Variants in ZC3H6 observed in about 807,000 individuals in gnomAD.
ZC3H6 encodes the protein zinc finger CCCH-type containing 6.
A neutral mutation model predicts 107.7 loss-of-function variants in ZC3H6; 40 were observed. The observed-to-expected ratio is 0.37, with a 90% CI of 0.29 to 0.48. The LOEUF (loss-of-function observed/expected upper bound fraction) is 0.48. Ranked by LOEUF, ZC3H6 falls within the 20% of genes least tolerant of loss-of-function variation. The pLI is 0.98. For synonymous variants in ZC3H6, 493 were observed against 487.9 expected, an observed-to-expected ratio of 1.01 and a Z score of -0.14; for missense variants, 1,267 against 1,410.4, an observed-to-expected ratio of 0.90 and a Z score of 1.63.
chr2:112,322,184 C>A (rs1279818990), intron 8 of ZC3H6, among the ~76,000 whole-genome samples: 2 of 146,776 alleles, frequency 1.4e-5, no homozygotes, highest in South Asian at 2.2e-4. Context: ...CTTGCTTTTT[C>A]TTTCTTATTT....
chr2:112,321,443 A>G (rs1350075984), intron 7 of ZC3H6, among the ~76,000 whole-genome samples: 5 of 152,034 alleles, frequency 3.3e-5, no homozygotes, highest in Non-Finnish European at 7.4e-5. Context: ...GTATAATTAA[A>G]ATATCTAACC....
intron 1 of ZC3H6, among the ~76,000 whole-genome samples, chr2:112,294,440 G>C (rs1169295232): frequency 1.3e-5 from 2 of 152,326 alleles, no homozygotes; most frequent in East Asian, 3.9e-4. Context: ...TAGAGATTCT[G>C]ACACAGTCAC....
Position 112,332,896 on chromosome 2 carries a change from C to T in ZC3H6, c.*408C>T, listed in dbSNP as rs1677064375. 1 of 156,990 alleles carries T rather than the reference C, an allele frequency of 6.4e-6. No individual in the cohort carries two copies. Among genetic ancestry groups the T allele is most frequent in the Non-Finnish European group, 1.4e-5 (1 of 70,788 alleles). 9.7% of individuals were successfully genotyped at this position (156,990 alleles called of 1,614,324 possible). On this transcript the variant is annotated 3_prime_UTR_variant, in exon 12 of 12. Coordinates refer to ENST00000409871, the MANE Select transcript of ZC3H6 (RefSeq NM_198581.3). Reference sequence around the variant, plus strand: ...AGAAACAGTATTTTGACTAGGACCTCTCTTATTTGTCAGCACAGAACTGAT... The same window carrying T: ...AGAAACAGTATTTTGACTAGGACCTTTCTTATTTGTCAGCACAGAACTGAT...
intron 1 of ZC3H6, among the ~76,000 whole-genome samples, chr2:112,277,780 G>GT (rs35110200): frequency 4.8e-4 from 72 of 148,938 alleles, no homozygotes; most frequent in Middle Eastern, 3.4e-3. Flanking sequence ...GAAGGAGATG[G>GT]TTTTTTTTTT....
rs1676396664 is a variant in ZC3H6, at chr2:112,302,374, AT to A, written c.214-852del. 2.0e-5 allele frequency among the ~76,000 whole-genome samples: 3 copies of A among 152,142 alleles called. 1 individual carries two copies. The South Asian group carries it at 6.2e-4, about 31-fold the overall frequency. The stretch of plus-strand genomic sequence containing the variant: ...TTTAGGAACAAGATGGAGGAAAGCA[AT>A]TTGTCTTTCCTAAAATAACATTTCA... On this transcript the variant is annotated intron_variant, in intron 2 of 11. Transcript: ENST00000409871.
In ZC3H6 at chr2:112,334,389, G is replaced by A. The variant is rs1677102675; in HGVS notation, c.*1901G>A. Reference sequence around the variant, plus strand: ...TATAATTATTGTGTCAAGCAGTGCTGTTTACATTTTAAGCATCATACAAAA... The same window carrying A: ...TATAATTATTGTGTCAAGCAGTGCTATTTACATTTTAAGCATCATACAAAA... On this transcript the variant is annotated 3_prime_UTR_variant, in exon 12 of 12. Transcript: ENST00000409871. The A allele has an allele frequency of 6.6e-6, 1 of 152,024 alleles. No individual in the cohort carries two copies. The highest frequency in any genetic ancestry group is 2.1e-4 in the South Asian group (1 of 4,822). 9.4% of individuals were successfully genotyped at this position (152,024 alleles called of 1,614,324 possible).
chr2:112,277,469 T>C (rs1391146953), intron 1 of ZC3H6, among the ~76,000 whole-genome samples: 1 of 152,132 alleles, frequency 6.6e-6, no homozygotes, highest in Non-Finnish European at 1.5e-5. Context: ...GAGTTATGTA[T>C]TGTACATCAT....
At chr2:112,308,802 C>T (rs1676540255) in intron 3 of ZC3H6, among the ~76,000 whole-genome samples, 1 of 150,786 alleles carries the variant, frequency 6.6e-6, no homozygotes, top group Admixed American at 6.6e-5. Context: ...ACCTGTAATC[C>T]CAGCACTTTG....
intron 2 of ZC3H6, among the ~76,000 whole-genome samples, chr2:112,301,189 G>A (rs997039668): frequency 1.3e-5 from 2 of 152,198 alleles, no homozygotes; most frequent in African/African-American, 4.8e-5. Flanking sequence ...GAAACTGGGA[G>A]GGGGCTGTGC....
At chr2:112,284,711 G>A (rs1163125376) in intron 1 of ZC3H6, among the ~76,000 whole-genome samples, 1 of 152,128 alleles carries the variant, frequency 6.6e-6, no homozygotes, top group African/African-American at 2.4e-5. Flanking sequence ...GTGTTTATAT[G>A]TGTGTGTATA....
intron 2 of ZC3H6, among the ~76,000 whole-genome samples, chr2:112,302,725 T>C (rs1676403569): frequency 6.6e-6 from 1 of 152,198 alleles, no homozygotes; most frequent in Non-Finnish European, 1.5e-5. Flanking sequence ...ATGCTTTTCA[T>C]TTCACTTTTG....
In ZC3H6 at chr2:112,321,979, T is replaced by C; in HGVS notation, c.1086+114T>C. ...CTGAGAAATTGAAAGTTTACTATTT[T>C]ATATTTTATTCTATTTGAGCAATAT... is the stretch of plus-strand genomic sequence containing the variant. On this transcript the variant is annotated intron_variant, in intron 8 of 11. Coordinates refer to ENST00000409871, the MANE Select transcript of ZC3H6 (RefSeq NM_198581.3). 6.0e-6 allele frequency: 3 copies of C among 501,098 alleles called. No homozygotes were observed. In the South Asian group the frequency reaches 1.3e-4, roughly 22 times the overall value. The allele number at this position is 501,098 out of a possible 1,614,324, so 31.0% of individuals were successfully genotyped here.
intron 7 of ZC3H6, among the ~76,000 whole-genome samples, chr2:112,318,532 A>G (rs937523673): frequency 6.6e-6 from 1 of 152,206 alleles, no homozygotes; most frequent in Non-Finnish European, 1.5e-5. Flanking sequence ...AAGATGTTCA[A>G]TCTTGTTCCT....
chr2:112,332,510 C>G lies in ZC3H6; in HGVS notation c.*22C>G. Reference sequence around the variant, plus strand: ...TTAGCTATTGTGTAACTGAGCAATTCTTTTCACTCTTGTGACTATCTCAGT... The same window carrying G: ...TTAGCTATTGTGTAACTGAGCAATTGTTTTCACTCTTGTGACTATCTCAGT... On this transcript the variant is annotated 3_prime_UTR_variant, in exon 12 of 12. Transcript: ENST00000409871. 1 of 1,578,952 alleles carries G rather than the reference C, an allele frequency of 6.3e-7. No individual in the cohort carries two copies. The highest frequency in any genetic ancestry group is 8.6e-7 in the Non-Finnish European group (1 of 1,164,288).
intron 9 of ZC3H6, among the ~76,000 whole-genome samples, chr2:112,323,231 A>G (rs1558956124): frequency 6.6e-6 from 1 of 152,222 alleles, no homozygotes; most frequent in Admixed American, 6.5e-5. Flanking sequence ...TGTGGGAAAT[A>G]GGTCTCCACA....
At chr2:112,305,058 T>A (rs971592405) in intron 3 of ZC3H6, among the ~76,000 whole-genome samples, 3 of 152,158 alleles carry the variant, frequency 2.0e-5, no homozygotes, top group South Asian at 4.1e-4. Context: ...GATTTTAGAG[T>A]CAGTGGTTGT....
intron 10 of ZC3H6, 42 bp from the exon 11 acceptor site, chr2:112,324,922 G>T: frequency 5.2e-6 from 8 of 1,530,442 alleles, no homozygotes; most frequent in Non-Finnish European, 7.1e-6. Context: ...GTGAAGTTTT[G>T]TGCTCACTCA....
rs1441624350 is a variant in ZC3H6 at position 112,312,151 on chromosome 2, T to C, written c.747+214T>C. 28 of 474,570 alleles carry C rather than the reference T, an allele frequency of 5.9e-5. No individual in the cohort carries two copies. In the East Asian group the frequency reaches 9.3e-4, roughly 16 times the overall value. The allele number at this position is 474,570 out of a possible 1,614,324, so 29.4% of individuals were successfully genotyped here. ...TGCTGACTTTGAAATAAAATTGTTA[T>C]GTTTGAAAGAACCTCAAAATAAAAT... On this transcript the variant is annotated intron_variant, in intron 5 of 11. Transcript: ENST00000409871.
In ZC3H6 at chr2:112,338,407, C is replaced by T. The variant is rs1034721437; in HGVS notation, c.*5919C>T. 4 of 152,144 alleles carry T rather than the reference C, an allele frequency of 2.6e-5. No homozygotes were observed. Among genetic ancestry groups the T allele is most frequent in the Admixed American group, 2.0e-4 (3 of 15,270 alleles). 9.4% of individuals were successfully genotyped at this position (152,144 alleles called of 1,614,324 possible). A position where few individuals can be genotyped will look rare whatever the true frequency, so the allele number is the denominator to read the frequency against. On this transcript the variant is annotated 3_prime_UTR_variant, in exon 12 of 12. Transcript: ENST00000409871. The stretch of plus-strand genomic sequence containing the variant: ...TTGTATCTGGTCTTTAAACACCTTT[C>T]GTTACCCTTTGGAATAGAACAATCA...
Sources: gnomAD v4.1 joint callset for allele counts (sites outside exome capture counted in the v4.1 genomes callset) on GRCh38, gnomAD v4.1.1 for gene constraint, MANE v1.5 for transcripts, NCBI Gene and HGNC (gene_info 2026-07-23, HGNC 2026-07-21) for gene names.